The following TENM4 variants were observed in gnomAD, a reference collection of about 807,000 sequenced individuals.
TENM4 encodes the protein teneurin-4.
In TENM4, 82 loss-of-function variants were observed where a neutral mutation model predicts 243.3. The observed-to-expected ratio is 0.34, with a 90% confidence interval of 0.28 to 0.40. The LOEUF is 0.40. Among genes scored for constraint, TENM4 ranks in the 10% least tolerant of loss-of-function variants. TENM4 has a pLI of 1.00. For synonymous variants in TENM4, 1,412 were observed against 1,456.3 expected (o/e 0.97, Z 0.69); for missense variants, 3,138 against 3,673.3 (o/e 0.85, Z 3.77).
chr11:79,395,261 C>T (rs562900798), intron 1 of TENM4, among the ~76,000 whole-genome samples: 32 of 152,292 alleles, frequency 2.1e-4, no homozygotes, highest in East Asian at 1.5e-3. Context: ...GTCAGCAAGA[C>T]GCCTCTGGAA....
chr11:78,818,471 A>C (rs763474030), intron 12 of TENM4, among the ~76,000 whole-genome samples: 1 of 152,254 alleles, frequency 6.6e-6, no homozygotes, highest in Non-Finnish European at 1.5e-5. Context: ...AGAAGGCAGA[A>C]GTTTTGGGAG....
At chr11:79,367,261 G>A (rs12295799) in intron 1 of TENM4, among the ~76,000 whole-genome samples, 1 of 151,966 alleles carries the variant, frequency 6.6e-6, no homozygotes, top group Non-Finnish European at 1.5e-5. Flanking sequence ...CAATACGTGC[G>A]GTTTTCTCTT....
intron 6 of TENM4, among the ~76,000 whole-genome samples, chr11:79,058,165 G>T (rs1354782123): frequency 6.6e-6 from 1 of 152,204 alleles, no homozygotes; most frequent in Non-Finnish European, 1.5e-5. Context: ...ATAGCTAGAA[G>T]CATCTCTAGC....
intron 15 of TENM4, among the ~76,000 whole-genome samples, chr11:78,793,735 AATG>A (rs1455888381): frequency 6.6e-6 from 1 of 152,254 alleles, no homozygotes. Context: ...ATAGTCCTGC[AATG>A]ATGCTTTCAC....
At chr11:78,831,818 G>C (rs779147739) in intron 12 of TENM4, among the ~76,000 whole-genome samples, 7 of 152,216 alleles carry the variant, frequency 4.6e-5, no homozygotes, top group Non-Finnish European at 7.3e-5. Flanking sequence ...TCTCTGAACA[G>C]TCTTTTGAGA....
At chr11:79,326,284 A>G (rs990360973) in intron 1 of TENM4, among the ~76,000 whole-genome samples, 2 of 152,074 alleles carry the variant, frequency 1.3e-5, no homozygotes, top group East Asian at 3.9e-4. Flanking sequence ...CATTTCTCCT[A>G]TACACATCAA....
At chr11:78,706,780 G>C (rs1253853786) in intron 27 of TENM4, among the ~76,000 whole-genome samples, 14 of 152,154 alleles carry the variant, frequency 9.2e-5, no homozygotes, top group African/African-American at 2.9e-4. Context: ...CTGGCTGGTT[G>C]AGGGCCCATT....
chr11:78,657,164 A>T lies in TENM4; in HGVS notation c.*894T>A, dbSNP rs1162748099. The T allele has an allele frequency of 1.3e-5, 5 of 398,608 alleles. No homozygotes were observed. Among genetic ancestry groups the T allele is most frequent in the Non-Finnish European group, 2.2e-5 (5 of 226,168 alleles). 24.7% of individuals were successfully genotyped at this position (398,608 alleles called of 1,614,324 possible). The stretch of plus-strand genomic sequence containing the variant: ...CTTGCTGTGCAGTGCTCGTTCTCAC[A>T]TCTGGCTTTGGGAGAAAGGAGGAGA... On this transcript the variant is annotated 3_prime_UTR_variant, in exon 34 of 34. Coordinates refer to ENST00000278550, the MANE Select transcript of TENM4 (RefSeq NM_001098816.3).
chr11:78,769,168 A>T (rs909884712), intron 18 of TENM4, among the ~76,000 whole-genome samples: 3 of 152,192 alleles, frequency 2.0e-5, no homozygotes, highest in Non-Finnish European at 4.4e-5. Context: ...AGTCATTGGA[A>T]TTGTGCCTAC....
intron 6 of TENM4, among the ~76,000 whole-genome samples, chr11:78,935,553 C>G (rs1203520569): frequency 6.6e-6 from 1 of 152,138 alleles, no homozygotes; most frequent in Non-Finnish European, 1.5e-5. Flanking sequence ...CTATACAGTT[C>G]CCACAGTTTG....
intron 25 of TENM4, 48 bp from the exon 26 acceptor site, chr11:78,712,762 T>G: frequency 1.3e-6 from 2 of 1,555,014 alleles, no homozygotes; most frequent in Non-Finnish European, 1.8e-6. Flanking sequence ...CTTCTTCCTA[T>G]GAGTAGCTGG....
intron 9 of TENM4, among the ~76,000 whole-genome samples, chr11:78,870,226 A>G (rs1226175070): frequency 6.6e-6 from 1 of 152,230 alleles, no homozygotes; most frequent in Non-Finnish European, 1.5e-5. Context: ...TGGCAGTTGT[A>G]TCATCACTGT....
intron 3 of TENM4, among the ~76,000 whole-genome samples, chr11:79,185,309 TACA>T (rs368899635): frequency 7.9e-5 from 12 of 151,006 alleles, no homozygotes; most frequent in South Asian, 2.1e-4. Context: ...CACAAAAAAC[TACA>T]ACAACAACAA....
intron 1 of TENM4, among the ~76,000 whole-genome samples, chr11:79,338,134 G>C (rs1476679393): frequency 1.3e-5 from 2 of 152,244 alleles, no homozygotes; most frequent in African/African-American, 4.8e-5. Context: ...ACAGGCTAGA[G>C]CAGGGCTTGC....
intron 2 of TENM4, among the ~76,000 whole-genome samples, chr11:79,253,671 G>T (rs1855652193): frequency 6.6e-6 from 1 of 152,150 alleles, no homozygotes; most frequent in Non-Finnish European, 1.5e-5. Flanking sequence ...TTTTCTGTGG[G>T]GTGGGAATGG....
chr11:79,378,285 G>C (rs1029527435), intron 1 of TENM4, among the ~76,000 whole-genome samples: 1 of 152,182 alleles, frequency 6.6e-6, no homozygotes, highest in Non-Finnish European at 1.5e-5. Context: ...ATGGAGTAGG[G>C]GGCCTGGGGC....
chr11:78,946,425 A>C (rs1375092642), intron 6 of TENM4, among the ~76,000 whole-genome samples: 3 of 152,250 alleles, frequency 2.0e-5, no homozygotes, highest in Non-Finnish European at 4.4e-5. Context: ...TTAAAATATT[A>C]CCACTTACTG....
intron 29 of TENM4, among the ~76,000 whole-genome samples, chr11:78,677,940 C>T (rs1298356540): frequency 8.7e-6 from 1 of 115,282 alleles, no homozygotes; most frequent in Middle Eastern, 3.4e-3. Context: ...GACCCCACCA[C>T]AGTCCCCAGA....
intron 1 of TENM4, among the ~76,000 whole-genome samples, chr11:79,357,532 C>T (rs1260422067): frequency 6.6e-6 from 1 of 152,204 alleles, no homozygotes; most frequent in Non-Finnish European, 1.5e-5. Context: ...TGGGGTTTTG[C>T]AAATGTGACT....
Sources: allele counts gnomAD v4.1 joint callset (sites outside exome capture counted in the v4.1 genomes callset), GRCh38; gene constraint gnomAD v4.1.1; transcripts MANE v1.5; gene names NCBI Gene and HGNC (gene_info 2026-07-23, HGNC 2026-07-21).